The following TG variants were observed in gnomAD, a reference collection of about 807,000 sequenced individuals.
TG encodes the protein thyroid hormones.
A neutral mutation model predicts 324.7 loss-of-function variants in TG; 270 were observed. The observed-to-expected ratio is 0.83, with a 90% CI of 0.75 to 0.92. The LOEUF is 0.92. Ranked by LOEUF, TG falls within the 40% of genes least tolerant of loss-of-function variation. TG has a pLI of 0.00. For missense variants in TG, 3,591 were observed against 3,456.4 expected, an observed-to-expected ratio of 1.04 and a Z score of -0.98; for synonymous variants, 1,401 against 1,327.0, an observed-to-expected ratio of 1.06 and a Z score of -1.21.
chr8:133,061,679 AC>A (rs1354859266), intron 41 of TG, among the ~76,000 whole-genome samples: 6 of 152,202 alleles, frequency 3.9e-5, no homozygotes, highest in Non-Finnish European at 8.8e-5. Flanking sequence ...CCAAATGGAA[AC>A]TAATCTCCCA....
intron 23 of TG, among the ~76,000 whole-genome samples, chr8:132,932,241 G>A (rs1445252361): frequency 6.6e-6 from 1 of 152,160 alleles, no homozygotes; most frequent in African/African-American, 2.4e-5. Flanking sequence ...AAAATCAGGA[G>A]ATGATGAAAA....
chr8:133,070,498 A>T (rs1843838532), intron 41 of TG, among the ~76,000 whole-genome samples: 1 of 152,234 alleles, frequency 6.6e-6, no homozygotes, highest in East Asian at 1.9e-4. Flanking sequence ...ATAGACAAGA[A>T]AACTGAGTCT....
Position 132,883,057 on chromosome 8 carries a change from C to A in TG, c.1075+58C>A, listed in dbSNP as rs1814892837. On this transcript the variant is annotated intron_variant, in intron 8 of 47. Coordinates refer to ENST00000220616, the MANE Select transcript of TG (RefSeq NM_003235.5). ...CTCGGATCATATTACTTTGGCGGTC[C>A]TCCAGACCAACCTCTCTGGACCCCA... The A allele has an allele frequency of 3.2e-6, 5 of 1,575,406 alleles. No homozygotes were observed. In the Admixed American group the frequency reaches 9.1e-5, roughly 29 times the overall value.
At chr8:133,083,044 G>A (rs1276065631) in intron 41 of TG, among the ~76,000 whole-genome samples, 1 of 152,212 alleles carries the variant, frequency 6.6e-6, no homozygotes, top group Non-Finnish European at 1.5e-5. Flanking sequence ...GGAGAGCGAT[G>A]AGTAGGCAGG....
intron 5 of TG, among the ~76,000 whole-genome samples, chr8:132,880,208 C>G (rs900811526): frequency 2.0e-5 from 3 of 152,160 alleles, no homozygotes; most frequent in Non-Finnish European, 4.4e-5. Flanking sequence ...GGTTTGAACC[C>G]TAGTTCTCAC....
chr8:132,961,040 T>C lies in TG; in HGVS notation c.5434T>C (p.Phe1812Leu), dbSNP rs1163706507. Residue 1812 changes from phenylalanine to leucine, a missense_variant, in exon 28 of 48, where the codon TTT (phenylalanine) becomes CTT (leucine). Coordinates refer to ENST00000220616, the MANE Select transcript of TG (RefSeq NM_003235.5). ...LTPLEGTQDT[F>L]TNFQQVYLWK... ...ACCCTTAGAAGGAACTCAAGACACC[T>C]TTACCAATTTTCAGCAGGTTTATCT... 1 of 1,613,966 alleles carries C rather than the reference T, an allele frequency of 6.2e-7. No homozygotes were observed. The highest frequency in any genetic ancestry group is 1.1e-5 in the South Asian group (1 of 91,066).
At chr8:133,082,167 G>T (rs921901672) in intron 41 of TG, among the ~76,000 whole-genome samples, 1 of 152,160 alleles carries the variant, frequency 6.6e-6, no homozygotes, top group Non-Finnish European at 1.5e-5. Flanking sequence ...TTGTCAGGCC[G>T]CATGAAGGGA....
At chr8:132,912,954 C>A in intron 19 of TG, 93 bp from the exon 20 acceptor site, 1 of 1,177,992 alleles carries the variant, frequency 8.5e-7, no homozygotes, top group African/African-American at 1.5e-5. Context: ...TCATTCCAGT[C>A]TGGATATTCT....
intron 41 of TG, among the ~76,000 whole-genome samples, chr8:133,072,705 A>G (rs2131445487): frequency 1.3e-5 from 2 of 152,360 alleles, no homozygotes; most frequent in South Asian, 4.1e-4. Context: ...CTGTCTTTAA[A>G]AAGGCTCATT....
intron 41 of TG, among the ~76,000 whole-genome samples, chr8:133,036,105 A>T (rs146526912): frequency 8.7e-4 from 132 of 151,968 alleles, no homozygotes; most frequent in African/African-American, 2.7e-3. Context: ...ATTCCTGCTG[A>T]CTCCATACAC....
In TG at chr8:133,096,312, T is replaced by G. The variant is rs1848404982; in HGVS notation, c.7511T>G (p.Val2504Gly). ...CTGAAGAGGTCTTTATGGGTAGAGG[T>G]CGATCTGCTCATTGGGAGTTCTCAG... ...RALKRSLWVE[V>G]DLLIGSSQDD... The change falls in exon 43 of 48, where the codon GTC becomes GGC. Residue 2504 changes from valine (V) to glycine (G), a missense_variant. Physicochemically the swap from Val to Gly is moderately radical, Grantham distance 109 (BLOSUM62 -3). Coordinates refer to ENST00000220616, the MANE Select transcript of TG (RefSeq NM_003235.5). 1 of 1,613,990 alleles carries G rather than the reference T, an allele frequency of 6.2e-7. No individual in the cohort carries two copies. The highest frequency in any genetic ancestry group is 8.5e-7 in the Non-Finnish European group (1 of 1,179,982).
chr8:132,975,865 C>T (rs765192483), intron 34 of TG, among the ~76,000 whole-genome samples: 2 of 152,152 alleles, frequency 1.3e-5, no homozygotes, highest in Non-Finnish European at 2.9e-5. Context: ...TTCTGTTTTG[C>T]AGTCACTCAC....
At chr8:133,002,659 G>T in intron 35 of TG, 1 of 221,280 alleles carries the variant, frequency 4.5e-6, no homozygotes. Flanking sequence ...TTTCCCACTG[G>T]TTCTCACACA....
chr8:132,995,167 A>G, intron 35 of TG: 2 of 964,486 alleles, frequency 2.1e-6, no homozygotes, highest in Non-Finnish European at 2.5e-6. Context: ...TCTATGAATA[A>G]CCTAGGGAAA....
At chr8:132,905,438 ATTC>A (rs1207830759) in intron 16 of TG, among the ~76,000 whole-genome samples, 1 of 152,228 alleles carries the variant, frequency 6.6e-6, no homozygotes, top group Non-Finnish European at 1.5e-5. Flanking sequence ...AAAATAGGTC[ATTC>A]TTCCTCTTTG....
chr8:132,955,139 AG>A (rs1404502121), intron 27 of TG, among the ~76,000 whole-genome samples: 1 of 152,168 alleles, frequency 6.6e-6, no homozygotes, highest in African/African-American at 2.4e-5. Flanking sequence ...CTGGAGGCCC[AG>A]GATTGTCAGC....
At chr8:133,045,038 TGTA>T (rs1564110137) in intron 41 of TG, 3 of 1,614,044 alleles carry the variant, frequency 1.9e-6, no homozygotes, top group Non-Finnish European at 2.5e-6. Context: ...CTCGGGGAAA[TGTA>T]GTACCAGTTG....
intron 41 of TG, chr8:133,038,535 A>G: frequency 6.2e-7 from 1 of 1,611,788 alleles, no homozygotes; most frequent in Non-Finnish European, 8.5e-7. Context: ...TAGTCCTCAA[A>G]GTAAGGTGGT....
At chr8:133,009,696 C>A (rs1834331880) in intron 35 of TG, among the ~76,000 whole-genome samples, 1 of 151,864 alleles carries the variant, frequency 6.6e-6, no homozygotes, top group South Asian at 2.1e-4. Flanking sequence ...CGGTGCCCTT[C>A]TAAAAGAGGC....
Sources: gnomAD v4.1 joint callset for allele counts (sites outside exome capture counted in the v4.1 genomes callset) on GRCh38, gnomAD v4.1.1 for gene constraint, MANE v1.5 for transcripts, NCBI Gene and HGNC (gene_info 2026-07-23, HGNC 2026-07-21) for gene names.